CHCHD6: variants seen among roughly 807,000 people sequenced by gnomAD.
The protein encoded by CHCHD6 is MICOS complex subunit MIC25.
CHCHD6 carries 28 observed loss-of-function variants against 32.3 expected under a neutral mutation model. That is an observed-to-expected ratio of 0.87 (90% CI 0.64 to 1.19). CHCHD6 has a LOEUF of 1.19. Ranked by LOEUF, CHCHD6 falls within the 50% of genes most tolerant of loss-of-function variation. The probability of loss-of-function intolerance (pLI) is 0.00; values close to 1 mark genes in which losing one functional copy is unlikely to be tolerated. For missense variants in CHCHD6, 333 were observed against 307.0 expected, an observed-to-expected ratio of 1.08 and a Z score of -0.63; for synonymous variants, 122 against 117.5, an observed-to-expected ratio of 1.04 and a Z score of -0.25.
intron 6 of CHCHD6, among the ~76,000 whole-genome samples, chr3:126,942,203 A>G (rs1394834656): frequency 6.6e-6 from 1 of 152,148 alleles, no homozygotes; most frequent in East Asian, 1.9e-4. Flanking sequence ...CACCTGTCCT[A>G]CCACTAGTGA....
chr3:126,873,476 G>A (rs977114126), intron 5 of CHCHD6, among the ~76,000 whole-genome samples: 10 of 152,202 alleles, frequency 6.6e-5, no homozygotes, highest in African/African-American at 2.4e-4. Flanking sequence ...TACTCCAAGT[G>A]CATGAGTTTC....
chr3:126,791,267 G>A (rs993623748), intron 4 of CHCHD6, among the ~76,000 whole-genome samples: 1 of 152,238 alleles, frequency 6.6e-6, no homozygotes, highest in African/African-American at 2.4e-5. Flanking sequence ...CTCCTTGGCG[G>A]TCAGGGACCC....
At chr3:126,818,876 C>G (rs1277483976) in intron 4 of CHCHD6, among the ~76,000 whole-genome samples, 1 of 152,202 alleles carries the variant, frequency 6.6e-6, no homozygotes, top group African/African-American at 2.4e-5. Flanking sequence ...GGGACAGCGG[C>G]TGGTGGGGCT....
At chr3:126,723,823 A>G (rs375971665) in intron 1 of CHCHD6, among the ~76,000 whole-genome samples, 488 of 152,138 alleles carry the variant, frequency 3.2e-3, no homozygotes, top group Non-Finnish European at 5.7e-3. Flanking sequence ...CTGGAAGTGG[A>G]GTTGCTGATC....
chr3:126,804,315 G>T (rs1939242435), intron 4 of CHCHD6, among the ~76,000 whole-genome samples: 1 of 151,984 alleles, frequency 6.6e-6, no homozygotes, highest in Admixed American at 6.6e-5. Flanking sequence ...TAGACCGCTA[G>T]CAAGACTAAT....
intron 6 of CHCHD6, among the ~76,000 whole-genome samples, chr3:126,934,016 T>C (rs1240976156): frequency 6.6e-6 from 1 of 152,176 alleles, no homozygotes; most frequent in Non-Finnish European, 1.5e-5. Context: ...TGCGCTCTTC[T>C]CCTGTCAGCG....
intron 4 of CHCHD6, among the ~76,000 whole-genome samples, chr3:126,807,253 A>C (rs1229647534): frequency 1.3e-5 from 2 of 152,112 alleles, no homozygotes; most frequent in African/African-American, 2.4e-5. Context: ...AAACAAACAC[A>C]CAGAGAAAAA....
intron 7 of CHCHD6, 49 bp from the exon 8 acceptor site, chr3:126,960,147 G>A: frequency 1.3e-6 from 2 of 1,551,066 alleles, no homozygotes; most frequent in Admixed American, 2.0e-5. Flanking sequence ...GAGCTGGAGG[G>A]CATGGGCGGA....
At chr3:126,758,601 G>A (rs1185179685) in intron 4 of CHCHD6, among the ~76,000 whole-genome samples, 2 of 152,162 alleles carry the variant, frequency 1.3e-5, no homozygotes, top group Admixed American at 1.3e-4. Context: ...AAGATAATGG[G>A]TTTTGTGTCT....
intron 4 of CHCHD6, among the ~76,000 whole-genome samples, chr3:126,748,414 G>C (rs1191183664): frequency 6.6e-6 from 1 of 152,070 alleles, no homozygotes; most frequent in Non-Finnish European, 1.5e-5. Context: ...GGGCAACATG[G>C]TGAAACCCCA....
chr3:126,916,417 A>G (rs2078172286), intron 6 of CHCHD6, among the ~76,000 whole-genome samples: 2 of 140,744 alleles, frequency 1.4e-5, no homozygotes, highest in South Asian at 4.7e-4. Flanking sequence ...AAAAAAAAAA[A>G]GAAGGCCAAT....
intron 6 of CHCHD6, among the ~76,000 whole-genome samples, chr3:126,928,496 G>T (rs139128965): frequency 6.6e-6 from 1 of 152,108 alleles, no homozygotes; most frequent in African/African-American, 2.4e-5. Flanking sequence ...CAGGCTGGCC[G>T]CACGTCACCT....
chr3:126,758,113 G>C (rs989450653), intron 4 of CHCHD6, among the ~76,000 whole-genome samples: 2 of 152,214 alleles, frequency 1.3e-5, no homozygotes, highest in African/African-American at 4.8e-5. Flanking sequence ...CTGTGAAACA[G>C]GCCACTGCCA....
At chr3:126,748,819 C>G (rs1228413827) in intron 4 of CHCHD6, among the ~76,000 whole-genome samples, 1 of 152,144 alleles carries the variant, frequency 6.6e-6, no homozygotes, top group Non-Finnish European at 1.5e-5. Context: ...GGCTGCAGCC[C>G]GGGCTGGGCT....
chr3:126,899,611 C>A (rs2077893082), intron 5 of CHCHD6, among the ~76,000 whole-genome samples: 1 of 152,132 alleles, frequency 6.6e-6, no homozygotes, highest in South Asian at 2.1e-4. Context: ...CACAGCCCAC[C>A]CAGAAGACAG....
chr3:126,948,117 C>T (rs959807041), intron 6 of CHCHD6, among the ~76,000 whole-genome samples: 3 of 152,224 alleles, frequency 2.0e-5, no homozygotes, highest in Non-Finnish European at 2.9e-5. Flanking sequence ...TGCCCATCCC[C>T]GCTCCCCACT....
At chr3:126,726,067 A>C (rs546613518) in intron 1 of CHCHD6, among the ~76,000 whole-genome samples, 2 of 152,370 alleles carry the variant, frequency 1.3e-5, no homozygotes, top group African/African-American at 4.8e-5. Context: ...GCTAACTGTT[A>C]GGTGCAACAG....
intron 4 of CHCHD6, among the ~76,000 whole-genome samples, chr3:126,753,656 G>A (rs55781916): frequency 6.6e-6 from 1 of 152,162 alleles, no homozygotes; most frequent in African/African-American, 2.4e-5. Context: ...CCTTGCCCCT[G>A]TCTCTCTCTC....
At chr3:126,858,323 G>A (rs972496650) in intron 5 of CHCHD6, among the ~76,000 whole-genome samples, 1 of 141,486 alleles carries the variant, frequency 7.1e-6, no homozygotes, top group African/African-American at 2.6e-5. Context: ...GGAGGGGTGG[G>A]TAAGGCTTCC....
Sources: allele counts gnomAD v4.1 joint callset (sites outside exome capture counted in the v4.1 genomes callset), GRCh38; gene constraint gnomAD v4.1.1; transcripts MANE v1.5; gene names NCBI Gene and HGNC (gene_info 2026-07-23, HGNC 2026-07-21).